Variants in PHF8 observed in about 807,000 individuals in gnomAD.
The protein encoded by PHF8 is PHD finger protein 8.
PHF8 carries 9 observed loss-of-function variants against 74.4 expected under a neutral mutation model. That is an observed-to-expected ratio of 0.12 (90% confidence interval 0.07 to 0.21). The LOEUF (loss-of-function observed/expected upper bound fraction) is 0.21. PHF8 is among the 10% of genes least tolerant of loss of function. The probability of loss-of-function intolerance (pLI) is 1.00; values close to 1 mark genes in which losing one functional copy is unlikely to be tolerated. For missense variants in PHF8, 478 were observed against 816.6 expected, an observed-to-expected ratio of 0.59 and a Z score of 5.05; for synonymous variants, 311 against 316.6, an observed-to-expected ratio of 0.98 and a Z score of 0.19.
chrX:53,981,075 G>A (rs1292314910), intron 18 of PHF8, among the ~76,000 whole-genome samples: 1 of 112,065 alleles, frequency 8.9e-6, no homozygotes, highest in African/African-American at 3.2e-5. Context: ...TTAGCCAGGC[G>A]TGGTGGCGTG....
chrX:54,025,039 G>C (rs1205745863), intron 2 of PHF8, among the ~76,000 whole-genome samples: 3 of 109,651 alleles, frequency 2.7e-5, no homozygotes, highest in East Asian at 2.9e-4. Context: ...ACCACGCCCA[G>C]CTAATTTTTT....
At chrX:53,995,919 C>CA (rs879965477) in intron 11 of PHF8, 137 bp from the exon 12 acceptor site, 27,690 of 256,255 alleles carry the variant, frequency 0.11, 70 homozygotes, top group Admixed American at 0.16. Flanking sequence ...TATCCACATG[C>CA]AAAAAAAAAA....
Position 54,014,458 on chromosome X carries a change from G to A in PHF8, c.702C>T (p.Tyr234=), listed in dbSNP as rs1232230371. The change falls in exon 7 of 22, where the codon TAC becomes TAT. Residue 234 remains tyrosine, a synonymous_variant. Coordinates refer to ENST00000338154, the MANE Select transcript of PHF8 (RefSeq NM_015107.3). ...AGCTATCTCGCACACTCATGAGGCA[G>A]TACTTCTGTACATTGGGTCTCTCAA... ...CVFERPNVQK[Y]CLMSVRDSYT... is the part of the protein sequence containing the mutation. 1.7e-5 allele frequency: 20 copies of A among 1,199,217 alleles called. No individual in the cohort carries two copies. Among genetic ancestry groups the A allele is most frequent in the Non-Finnish European group, 2.3e-5 (20 of 885,962 alleles).
chrX:53,948,281 C>A (rs782276713), intron 19 of PHF8, among the ~76,000 whole-genome samples: 12 of 111,676 alleles, frequency 1.1e-4, no homozygotes, highest in African/African-American at 3.9e-4. Flanking sequence ...CGGGGAATGG[C>A]GGATGTCCTT....
chrX:54,021,454 ATTTTTTTTTTTTTTTTTTTT>A (rs1156928686), intron 4 of PHF8, among the ~76,000 whole-genome samples: 1 of 42,173 alleles, frequency 2.4e-5, no homozygotes, highest in Admixed American at 3.7e-4. Context: ...AGTTGCAATT[ATTTTTTTTTTTTTTTTTTTT>A]TTTTTTTTTT....
At chrX:53,952,481 C>A (rs2064941118) in intron 19 of PHF8, among the ~76,000 whole-genome samples, 1 of 111,185 alleles carries the variant, frequency 9.0e-6, no homozygotes, top group Admixed American at 9.5e-5. Flanking sequence ...TTACTATAAC[C>A]CTGTGTTCAT....
intron 12 of PHF8, among the ~76,000 whole-genome samples, chrX:53,994,980 G>A (rs781977203): frequency 8.0e-5 from 9 of 112,073 alleles, no homozygotes. Flanking sequence ...CAGGCACTGT[G>A]CGAGGGGCTC....
chrX:53,941,349 TTTTTC>T (rs2064748659), intron 20 of PHF8, among the ~76,000 whole-genome samples: 1 of 112,516 alleles, frequency 8.9e-6, no homozygotes, highest in Admixed American at 9.4e-5. Context: ...CTTGCTGGTC[TTTTTC>T]TTTTAACAGT....
chrX:53,958,081 G>A (rs1324556109), intron 19 of PHF8, among the ~76,000 whole-genome samples: 1 of 105,183 alleles, frequency 9.5e-6, no homozygotes, highest in African/African-American at 3.5e-5. Flanking sequence ...TTGCTCTGTC[G>A]CCCAGGCTGG....
chrX:53,981,961 C>G (rs782753727), intron 18 of PHF8, among the ~76,000 whole-genome samples: 3 of 112,098 alleles, frequency 2.7e-5, no homozygotes, highest in Non-Finnish European at 5.6e-5. Flanking sequence ...TAAAATCCAT[C>G]TGGAATAGAA....
At chrX:54,004,443 CCAATAT>C (rs2065867973) in intron 8 of PHF8, among the ~76,000 whole-genome samples, 1 of 110,900 alleles carries the variant, frequency 9.0e-6, no homozygotes, top group Admixed American at 9.7e-5. Flanking sequence ...AATAGACAAT[CCAATAT>C]ATATAAGACA....
At chrX:53,984,274 G>A (rs1330778619) in intron 18 of PHF8, among the ~76,000 whole-genome samples, 6 of 111,594 alleles carry the variant, frequency 5.4e-5, no homozygotes, top group African/African-American at 2.0e-4. Flanking sequence ...GCTGAGGCAC[G>A]AGAATTGCTT....
At chrX:53,981,017 G>T (rs964233053) in intron 18 of PHF8, among the ~76,000 whole-genome samples, 81 of 112,064 alleles carry the variant, frequency 7.2e-4, no homozygotes, top group African/African-American at 2.4e-3. Context: ...GTTCAAGACC[G>T]GCCTGGCCAA....
chrX:53,960,840 C>T (rs1304491977), intron 19 of PHF8, among the ~76,000 whole-genome samples: 5 of 110,178 alleles, frequency 4.5e-5, no homozygotes, highest in African/African-American at 1.6e-4. Context: ...TATAAAGAAA[C>T]ATGTCAAAAT....
At chrX:53,970,521 C>T (rs185411258) in intron 18 of PHF8, among the ~76,000 whole-genome samples, 54 of 111,330 alleles carry the variant, frequency 4.9e-4, no homozygotes, top group African/African-American at 1.8e-3. Flanking sequence ...TGTAAATGGG[C>T]TAAATATGCC....
intron 5 of PHF8, 24 bp downstream of exon 5, chrX:54,017,637 T>G: frequency 5.1e-6 from 6 of 1,167,382 alleles, no homozygotes; most frequent in Non-Finnish European, 7.0e-6. Context: ...AATGTTACAG[T>G]TAAAAGGGTC....
chrX:54,018,859 A>T (rs1252493237), intron 4 of PHF8, among the ~76,000 whole-genome samples: 1 of 111,073 alleles, frequency 9.0e-6, no homozygotes, highest in Non-Finnish European at 1.9e-5. Context: ...ACCTCAGGTG[A>T]TCTGCCCGCC....
intron 2 of PHF8, among the ~76,000 whole-genome samples, 168 bp downstream of exon 2, chrX:54,042,463 C>A (rs1323918591): frequency 9.2e-6 from 1 of 108,424 alleles, no homozygotes; most frequent in Non-Finnish European, 1.9e-5. Flanking sequence ...AAGGAGAAAC[C>A]AGAGGCTAAT....
chrX:54,041,241 G>A (rs1023278406), intron 2 of PHF8, among the ~76,000 whole-genome samples: 8 of 109,038 alleles, frequency 7.3e-5, no homozygotes, highest in African/African-American at 1.7e-4. Flanking sequence ...AAAATTTGCC[G>A]GGCGTGGTGG....
Sources: allele counts gnomAD v4.1 joint callset (sites outside exome capture counted in the v4.1 genomes callset), GRCh38; gene constraint gnomAD v4.1.1; transcripts MANE v1.5; gene names NCBI Gene and HGNC (gene_info 2026-07-23, HGNC 2026-07-21).